The following DLGAP4 variants were observed in gnomAD, a reference collection of about 807,000 sequenced individuals.
DLGAP4 encodes the protein DLG associated protein 4, also known as disks large-associated protein 4.
In DLGAP4, 18 loss-of-function variants were observed where a neutral mutation model predicts 86.9. The ratio of observed to expected loss-of-function variants is 0.21; its 90% CI spans 0.14 to 0.31. The LOEUF is 0.31. Ranked by LOEUF, DLGAP4 falls within the 10% of genes least tolerant of loss-of-function variation. DLGAP4 has a pLI of 1.00. For synonymous variants in DLGAP4, 548 were observed against 574.3 expected, an observed-to-expected ratio of 0.95 and a Z score of 0.65; for missense variants, 1,085 against 1,362.6, an observed-to-expected ratio of 0.80 and a Z score of 3.21.
intron 7 of DLGAP4, among the ~76,000 whole-genome samples, chr20:36,474,963 A>G (rs77363010): frequency 0.04 from 6,073 of 152,220 alleles, 446 homozygotes; most frequent in African/African-American, 0.14. Context: ...AGTGATGAGA[A>G]CCCTAAAGGA....
chr20:36,335,781 T>A (rs2065315492), intron 1 of DLGAP4, among the ~76,000 whole-genome samples: 1 of 152,176 alleles, frequency 6.6e-6, no homozygotes, highest in Non-Finnish European at 1.5e-5. Flanking sequence ...TTGACCCAGG[T>A]GTGGAGCTGC....
chr20:36,454,550 T>G (rs1600553405), intron 7 of DLGAP4, among the ~76,000 whole-genome samples: 1 of 152,128 alleles, frequency 6.6e-6, no homozygotes, highest in Non-Finnish European at 1.5e-5. Context: ...CTCACCACTG[T>G]ACATCCAGCC....
chr20:36,404,461 A>T (rs1189947565), intron 2 of DLGAP4, among the ~76,000 whole-genome samples: 5 of 152,156 alleles, frequency 3.3e-5, no homozygotes. Context: ...ACCTCATTGT[A>T]AAGGAGGCGT....
intron 12 of DLGAP4, 137 bp from the exon 13 acceptor site, chr20:36,526,676 C>G: frequency 1.3e-6 from 1 of 779,476 alleles, no homozygotes; most frequent in Non-Finnish European, 2.0e-6. Flanking sequence ...CTTCCTGATT[C>G]CAAGTGTGTG....
chr20:36,480,746 C>T (rs1219071776), intron 7 of DLGAP4, among the ~76,000 whole-genome samples: 1 of 152,066 alleles, frequency 6.6e-6, no homozygotes, highest in Non-Finnish European at 1.5e-5. Context: ...AACTCAACGC[C>T]TGTAATCCCA....
chr20:36,466,171 C>A (rs890397866), intron 7 of DLGAP4, among the ~76,000 whole-genome samples: 17 of 152,214 alleles, frequency 1.1e-4, no homozygotes, highest in Admixed American at 7.2e-4. Context: ...GTGCTGAGAG[C>A]CTGTCGGCTG....
chr20:36,525,246 AAAAAAAAAC>A lies in DLGAP4; in HGVS notation c.2605-601_2605-593del, dbSNP rs2037660306. On this transcript the variant is annotated intron_variant, in intron 11 of 12. Transcript: ENST00000339266. ...AAAAAAAAAAAAAAAAAAAAAAAAA[AAAAAAAAAC>A]AAAGAAATCCCACTGCTGGGATTGG... Among the ~76,000 whole-genome samples, 28 of 74,596 alleles carry A rather than the reference AAAAAAAAAC, an allele frequency of 3.8e-4. 2 individuals carry two copies. Among genetic ancestry groups the A allele is most frequent in the Non-Finnish European group, 6.1e-4 (16 of 26,316 alleles). The allele number at this position is 74,596 out of a possible 152,430, so 48.9% of individuals were successfully genotyped here.
intron 2 of DLGAP4, among the ~76,000 whole-genome samples, chr20:36,401,246 A>G (rs76625701): frequency 0.02 from 3,048 of 152,348 alleles, 112 homozygotes; most frequent in African/African-American, 0.07. Flanking sequence ...TCATAGGCAC[A>G]TGAGAACGCG....
intron 10 of DLGAP4, among the ~76,000 whole-genome samples, chr20:36,521,979 CTG>C (rs1364544380): frequency 1.3e-5 from 2 of 152,108 alleles, no homozygotes; most frequent in Non-Finnish European, 1.5e-5. Flanking sequence ...CGGGCCAGGA[CTG>C]TGTCCCAGGC....
chr20:36,464,963 A>G (rs769240140), intron 7 of DLGAP4, among the ~76,000 whole-genome samples: 8 of 152,126 alleles, frequency 5.3e-5, no homozygotes, highest in Non-Finnish European at 8.8e-5. Flanking sequence ...ATCTTGGGCA[A>G]ATTATTTCTT....
At chr20:36,413,717 C>A (rs1456207925) in intron 2 of DLGAP4, among the ~76,000 whole-genome samples, 1 of 152,148 alleles carries the variant, frequency 6.6e-6, no homozygotes, top group Non-Finnish European at 1.5e-5. Context: ...CCGCGCCCGG[C>A]CTATTCTGGA....
At chr20:36,379,568 G>A (rs975784673) in intron 2 of DLGAP4, among the ~76,000 whole-genome samples, 1 of 152,190 alleles carries the variant, frequency 6.6e-6, no homozygotes, top group African/African-American at 2.4e-5. Flanking sequence ...AGACATCAGG[G>A]AAACTTAGAC....
chr20:36,433,529 G>A (rs1020722603), intron 3 of DLGAP4, among the ~76,000 whole-genome samples: 11 of 152,194 alleles, frequency 7.2e-5, no homozygotes, highest in African/African-American at 2.7e-4. Flanking sequence ...GGCTGTGGGT[G>A]GAAATTACAG....
chr20:36,435,619 T>C (rs6018857), intron 3 of DLGAP4, among the ~76,000 whole-genome samples: 1,763 of 152,300 alleles, frequency 0.012, 33 homozygotes, highest in African/African-American at 0.04. Flanking sequence ...AGAATATCCA[T>C]TGGCTCTGGG....
At chr20:36,498,480 C>A (rs1198889829) in intron 8 of DLGAP4, 1 of 152,238 alleles carries the variant, frequency 6.6e-6, no homozygotes, top group Non-Finnish European at 1.5e-5. Context: ...ATTCCTTTCA[C>A]CCAGAAAATG....
intron 2 of DLGAP4, among the ~76,000 whole-genome samples, chr20:36,384,561 C>T (rs2147452234): frequency 6.6e-6 from 1 of 152,308 alleles, no homozygotes; most frequent in African/African-American, 2.4e-5. Flanking sequence ...GACTGTATTT[C>T]TAGCCTCAAT....
At chr20:36,497,697 C>A in intron 8 of DLGAP4, 1 of 971,842 alleles carries the variant, frequency 1.0e-6, no homozygotes. Flanking sequence ...CGATGGTTCC[C>A]CAGGGTTAGG....
chr20:36,438,310 G>C (rs916107297), intron 4 of DLGAP4, among the ~76,000 whole-genome samples: 2 of 151,756 alleles, frequency 1.3e-5, no homozygotes, highest in Admixed American at 6.6e-5. Flanking sequence ...GGAGGCAGAG[G>C]TTGCAGGGAG....
In DLGAP4 at chr20:36,527,202, C is replaced by A; in HGVS notation, c.*171C>A. On this transcript the variant is annotated 3_prime_UTR_variant, in exon 13 of 13. Coordinates refer to ENST00000339266, the MANE Select transcript of DLGAP4 (RefSeq NM_001365621.2). Reference sequence around the variant, plus strand: ...ACAATTTGGCTTTTTTGGGTCCCTCCCAGCTTTAGGTTATGAAGATTTTAC... The same window carrying A: ...ACAATTTGGCTTTTTTGGGTCCCTCACAGCTTTAGGTTATGAAGATTTTAC... 1 of 560,226 alleles carries A rather than the reference C, an allele frequency of 1.8e-6. No homozygotes were observed. The highest frequency in any genetic ancestry group is 3.0e-6 in the Non-Finnish European group (1 of 333,194). 34.7% of individuals were successfully genotyped at this position (560,226 alleles called of 1,614,324 possible).
Sources: gnomAD v4.1 joint callset for allele counts (sites outside exome capture counted in the v4.1 genomes callset) on GRCh38, gnomAD v4.1.1 for gene constraint, MANE v1.5 for transcripts, NCBI Gene and HGNC (gene_info 2026-07-23, HGNC 2026-07-21) for gene names.